ZC3H14: variants seen among roughly 807,000 people sequenced by gnomAD.
The protein encoded by ZC3H14 is zinc finger CCCH domain-containing protein 14.
ZC3H14 carries 31 observed loss-of-function variants against 92.4 expected under a neutral mutation model. The observed-to-expected ratio is 0.34, with a 90% CI of 0.25 to 0.45. ZC3H14 has a LOEUF of 0.45. ZC3H14 is among the 20% of genes least tolerant of loss of function. ZC3H14 has a pLI of 1.00. For synonymous variants in ZC3H14, 321 were observed against 300.9 expected (o/e 1.07, Z -0.69); for missense variants, 781 against 897.3 (o/e 0.87, Z 1.66).
At chr14:88,574,379 C>T (rs1271217598) in intron 6 of ZC3H14, 6 of 339,524 alleles carry the variant, frequency 1.8e-5, no homozygotes, top group Admixed American at 1.3e-4. Context: ...CCGAGTAGCT[C>T]GGACTACAGG....
rs557944545 is a variant in ZC3H14, at chr14:88,624,874, C to G, written c.*13123C>G. 59 of 1,375,820 alleles carry G rather than the reference C, an allele frequency of 4.3e-5. 1 individual carries two copies. In the East Asian group the frequency reaches 1.4e-3, roughly 33 times the overall value. 85.2% of individuals were successfully genotyped at this position (1,375,820 alleles called of 1,614,324 possible). ...ATATGAGGAGGAAGGTCGGAGAGGA[C>G]ACTCTGTGTAGCCTAGAAACAACTA... On this transcript the variant is annotated 3_prime_UTR_variant, in exon 17 of 17. Transcript: ENST00000251038.
At chr14:88,591,923 T>A (rs1357784574) in intron 9 of ZC3H14, 4 of 152,248 alleles carry the variant, frequency 2.6e-5, no homozygotes, top group Admixed American at 6.5e-5. Flanking sequence ...ACTAGTTGAT[T>A]TAACCTTTCT....
At chr14:88,585,659 G>C (rs1413535248) in intron 9 of ZC3H14, among the ~76,000 whole-genome samples, 1 of 151,892 alleles carries the variant, frequency 6.6e-6, no homozygotes, top group Non-Finnish European at 1.5e-5. Context: ...CAAAGTGTTG[G>C]GATTATAGGT....
At chr14:88,589,258 G>T (rs974288340) in intron 9 of ZC3H14, 3 of 152,100 alleles carry the variant, frequency 2.0e-5, no homozygotes, top group African/African-American at 7.2e-5. Context: ...GGAATTTCTT[G>T]GGGGAGCAGG....
chr14:88,563,247 G>T, intron 1 of ZC3H14, 78 bp downstream of exon 1: 2 of 1,554,710 alleles, frequency 1.3e-6, no homozygotes. Flanking sequence ...GGGACTGTGG[G>T]CCCGGGTGGA....
At position 88,617,563 on chromosome 14, in the gene ZC3H14, G is replaced by GT. The variant is rs1161880642; in HGVS notation, c.*5815dup. 2.0e-5 allele frequency: 3 copies of GT among 152,366 alleles called. No individual in the cohort carries two copies. Among genetic ancestry groups the GT allele is most frequent in the African/African-American group, 4.8e-5 (2 of 41,452 alleles). The allele number at this position is 152,366 out of a possible 1,614,324, so 9.4% of individuals were successfully genotyped here. ...GCAGGAGGACTGCTTGAGGCCAAGAGTTTGAGACCAGCCTGGGCAATATTG... is the reference window on the plus strand; with the variant it reads ...GCAGGAGGACTGCTTGAGGCCAAGAGTTTTGAGACCAGCCTGGGCAATATTG... On this transcript the variant is annotated 3_prime_UTR_variant, in exon 17 of 17. Coordinates refer to ENST00000251038, the MANE Select transcript of ZC3H14 (RefSeq NM_024824.5).
intron 10 of ZC3H14, among the ~76,000 whole-genome samples, chr14:88,600,818 A>G (rs1297592516): frequency 6.6e-6 from 1 of 152,030 alleles, no homozygotes; most frequent in Non-Finnish European, 1.5e-5. Context: ...CCTTTATTAT[A>G]TGTGTCAGCC....
At chr14:88,599,149 C>T (rs1165835430) in intron 10 of ZC3H14, among the ~76,000 whole-genome samples, 1 of 152,156 alleles carries the variant, frequency 6.6e-6, no homozygotes, top group Non-Finnish European at 1.5e-5. Flanking sequence ...TTGGACACAT[C>T]TAATACACCT....
rs765076474 is a variant in ZC3H14, at chr14:88,618,804, G to A, written c.*7053G>A. The A allele has an allele frequency of 7.6e-6, 12 of 1,582,490 alleles. No homozygotes were observed. Among genetic ancestry groups the A allele is most frequent in the Admixed American group, 5.4e-5 (3 of 55,300 alleles). ...ACCTACTGCCAGATACCGGGAATCC[G>A]GACTAAATCTGAATCAAAACAAAAC... On this transcript the variant is annotated 3_prime_UTR_variant, in exon 17 of 17. Transcript: ENST00000251038.
rs764236049 is a variant in ZC3H14 at position 88,609,714 on chromosome 14, G to T, written c.2008G>T (p.Val670Phe). Reference protein sequence around the residue: ...RIPVLSPKPAVAPPAPPSSSQ... With the variant: ...RIPVLSPKPAFAPPAPPSSSQ... Reference sequence around the variant, plus strand: ...AGTCCTGGTTTTTATTTTGTTAGCAGTTGCACCACCAGCACCACCTTCCAG... The same window carrying T: ...AGTCCTGGTTTTTATTTTGTTAGCATTTGCACCACCAGCACCACCTTCCAG... The change falls in exon 15 of 17, where the codon GTT (valine) becomes TTT (phenylalanine). Residue 670 changes from valine to phenylalanine, a missense_variant and splice_region_variant. This residue lies in a region of ZC3H14 where 221 missense variants were observed against 304.7 expected (regional missense o/e 0.73). Transcript: ENST00000251038. 1.2e-5 allele frequency: 20 copies of T among 1,614,112 alleles called. 1 individual carries two copies. The South Asian group carries it at 2.1e-4, about 17-fold the overall frequency.
intron 13 of ZC3H14, among the ~76,000 whole-genome samples, 176 bp downstream of exon 13, chr14:88,607,539 C>T (rs572817143): frequency 6.9e-6 from 1 of 145,908 alleles, no homozygotes; most frequent in South Asian, 2.3e-4. Context: ...CAAGTACCAT[C>T]CCATTTCACC....
chr14:88,564,285 CTT>C (rs2079276829), intron 2 of ZC3H14, among the ~76,000 whole-genome samples: 1 of 152,132 alleles, frequency 6.6e-6, no homozygotes, highest in African/African-American at 2.4e-5. Flanking sequence ...TTTTCCGTCT[CTT>C]TATTCTTTTA....
intron 3 of ZC3H14, among the ~76,000 whole-genome samples, chr14:88,570,762 CT>C (rs1324792253): frequency 6.6e-6 from 1 of 152,006 alleles, no homozygotes; most frequent in Non-Finnish European, 1.5e-5. Context: ...ATACAAAGCC[CT>C]TTTTTAAAAA....
rs546666364 is a variant in ZC3H14, at chr14:88,607,294, G to C, written c.1799G>C (p.Arg600Pro). The change falls in exon 13 of 17, where the codon CGC (arginine) becomes CCC (proline). Residue 600 changes from arginine (R) to proline (P), a missense_variant. Coordinates refer to ENST00000251038, the MANE Select transcript of ZC3H14 (RefSeq NM_024824.5). ...CAGAAACCAGAAAAACTTTTGGAGC[G>C]CTGCAAGTACTGGCCTGCTTGTAAA... ...VAQKPEKLLE[R>P]CKYWPACKNG... is the part of the protein sequence containing the mutation. The C allele has an allele frequency of 1.9e-6, 3 of 1,613,852 alleles. No individual in the cohort carries two copies. The highest frequency in any genetic ancestry group is 2.7e-5 in the African/African-American group (2 of 74,828).
chr14:88,581,442 TC>T (rs1198714109), intron 9 of ZC3H14, among the ~76,000 whole-genome samples: 1 of 152,204 alleles, frequency 6.6e-6, no homozygotes, highest in Admixed American at 6.5e-5. Flanking sequence ...GCGCCTGTAG[TC>T]CTAGCTACTC....
chr14:88,582,986 A>G lies in ZC3H14; in HGVS notation c.1279+4846A>G, dbSNP rs142304321. On this transcript the variant is annotated intron_variant, in intron 9 of 16. Coordinates refer to ENST00000251038, the MANE Select transcript of ZC3H14 (RefSeq NM_024824.5). ...AGCGCACCCACCTCATAATATGTGT[A>G]CTTTTTGCTTTTTGTCTTGCCATCA... Among the ~76,000 whole-genome samples, 411 of 150,186 alleles carry G rather than the reference A, an allele frequency of 2.7e-3. 1 individual carries two copies. Among genetic ancestry groups the G allele is most frequent in the Non-Finnish European group, 4.7e-3 (320 of 67,742 alleles).
At chr14:88,594,370 A>T (rs1257003502) in intron 9 of ZC3H14, 1 of 1,042,798 alleles carries the variant, frequency 9.6e-7, no homozygotes, top group African/African-American at 1.7e-5. Flanking sequence ...AGCCAATCAG[A>T]AACCAGGATT....
chr14:88,608,710 T>C lies in ZC3H14; in HGVS notation c.1869-557T>C, dbSNP rs569867655. On this transcript the variant is annotated intron_variant, in intron 13 of 16. Coordinates refer to ENST00000251038, the MANE Select transcript of ZC3H14 (RefSeq NM_024824.5). ...GAGGAGTTGAGGGAAAAGTTAGTTA[T>C]GGGTAATGAAAACATTTTGGACTTG... is the stretch of plus-strand genomic sequence containing the variant. The C allele has an allele frequency of 1.4e-4, 23 of 161,800 alleles. No individual in the cohort carries two copies. The East Asian group carries it at 2.4e-3, about 17-fold the overall frequency. 10.0% of individuals were successfully genotyped at this position (161,800 alleles called of 1,614,324 possible).
rs981371959 is a variant in ZC3H14 at position 88,580,260 on chromosome 14, A to G, written c.1279+2120A>G. ...GCTGAGGTTGCAGTGAGCCATGATC[A>G]TGCCATTGCCATCTAGTTTGGGCGA... is the stretch of plus-strand genomic sequence containing the variant. On this transcript the variant is annotated intron_variant, in intron 9 of 16. Transcript: ENST00000251038. Among the ~76,000 whole-genome samples the G allele has an allele frequency of 2.6e-5, 4 of 152,216 alleles. No homozygotes were observed. The South Asian group carries it at 8.3e-4, about 32-fold the overall frequency.
Sources: allele counts gnomAD v4.1 joint callset (sites outside exome capture counted in the v4.1 genomes callset), GRCh38; gene constraint gnomAD v4.1.1; regional missense constraint gnomAD v4.1.1; transcripts MANE v1.5; gene names NCBI Gene and HGNC (gene_info 2026-07-23, HGNC 2026-07-21).